SVOPL: variants seen among roughly 807,000 people sequenced by gnomAD.
The protein encoded by SVOPL is SVOP like, also known as putative transporter SVOPL.
A neutral mutation model predicts 61.0 loss-of-function variants in SVOPL; 60 were observed. The ratio of observed to expected loss-of-function variants is 0.98; its 90% CI spans 0.80 to 1.22. The LOEUF is 1.22. Ranked by LOEUF, SVOPL falls within the 50% of genes most tolerant of loss-of-function variation. The pLI is 0.00. For synonymous variants in SVOPL, 279 were observed against 250.0 expected, an observed-to-expected ratio of 1.12 and a Z score of -1.09; for missense variants, 662 against 643.9, an observed-to-expected ratio of 1.03 and a Z score of -0.30.
At chr7:138,648,267 G>A (rs560293977) in intron 8 of SVOPL, among the ~76,000 whole-genome samples, 1 of 152,212 alleles carries the variant, frequency 6.6e-6, no homozygotes, top group South Asian at 2.1e-4. Context: ...GCTAAGGGAG[G>A]TGAGGGCTGC....
In SVOPL at chr7:138,679,014, A is replaced by G; in HGVS notation, c.32T>C (p.Ile11Thr). The G allele has an allele frequency of 6.4e-7, 1 of 1,551,646 alleles. No individual in the cohort carries two copies. Among genetic ancestry groups the G allele is most frequent in the East Asian group, 2.4e-5 (1 of 40,918 alleles). Residue 11 changes from isoleucine to threonine, a missense_variant, in exon 2 of 16, where the codon ATC becomes ACC. Physicochemically the swap from Ile to Thr is moderately conservative, Grantham distance 89 (BLOSUM62 -1). Coordinates refer to ENST00000674285, the MANE Select transcript of SVOPL (RefSeq NM_001139456.2). MATKPTEPVTILSLRKLSLGT... is the reference protein window; with the variant it reads MATKPTEPVTTLSLRKLSLGT... ...CAGGCTCAATTTCCGAAGGCTGAGGATCGTGACAGGCTCTGTTGGCTTGGT... is the reference window on the plus strand; with the variant it reads ...CAGGCTCAATTTCCGAAGGCTGAGGGTCGTGACAGGCTCTGTTGGCTTGGT...
At chr7:138,613,210 G>A (rs980879499) in intron 14 of SVOPL, among the ~76,000 whole-genome samples, 15 of 151,780 alleles carry the variant, frequency 9.9e-5, no homozygotes, top group Admixed American at 9.8e-4. Context: ...AGTAGAGATG[G>A]GGTTTCACCA....
At chr7:138,671,246 T>G (rs1802408404) in intron 4 of SVOPL, among the ~76,000 whole-genome samples, 1 of 152,226 alleles carries the variant, frequency 6.6e-6, no homozygotes. Flanking sequence ...AACGTGATAC[T>G]GCTTGTAGTC....
intron 6 of SVOPL, among the ~76,000 whole-genome samples, chr7:138,657,230 G>T (rs572940590): frequency 2.3e-4 from 35 of 151,794 alleles, no homozygotes; most frequent in Non-Finnish European, 4.9e-4. Flanking sequence ...ATCACAGCTC[G>T]CTGCAGCCTC....
At chr7:138,643,447 G>C (rs952101129) in intron 9 of SVOPL, among the ~76,000 whole-genome samples, 6 of 137,150 alleles carry the variant, frequency 4.4e-5, no homozygotes, top group African/African-American at 1.5e-4. Context: ...AAAAAAGAAA[G>C]TGAGGCCTTG....
At chr7:138,665,388 C>T (rs1802224006) in intron 4 of SVOPL, among the ~76,000 whole-genome samples, 2 of 151,538 alleles carry the variant, frequency 1.3e-5, no homozygotes, top group Admixed American at 1.3e-4. Flanking sequence ...AGCTCAGGGA[C>T]AGGGTCAGAG....
intron 9 of SVOPL, among the ~76,000 whole-genome samples, chr7:138,635,232 A>C (rs1278291763): frequency 4.0e-5 from 6 of 151,068 alleles, no homozygotes; most frequent in Admixed American, 1.3e-4. Context: ...AGATTGCACC[A>C]TTGCACTCCA....
intron 13 of SVOPL, among the ~76,000 whole-genome samples, chr7:138,622,335 C>T (rs149398275): frequency 1.1e-3 from 164 of 150,042 alleles, no homozygotes; most frequent in African/African-American, 3.7e-3. Flanking sequence ...CACTCTTTCG[C>T]CCAGGCTGGA....
intron 1 of SVOPL, among the ~76,000 whole-genome samples, chr7:138,683,071 T>C (rs1802734331): frequency 6.6e-6 from 1 of 151,858 alleles, no homozygotes; most frequent in Non-Finnish European, 1.5e-5. Flanking sequence ...TTTGAAGATA[T>C]TAAGAAATTA....
At chr7:138,659,022 G>C (rs1801879505) in intron 6 of SVOPL, among the ~76,000 whole-genome samples, 1 of 152,026 alleles carries the variant, frequency 6.6e-6, no homozygotes, top group Non-Finnish European at 1.5e-5. Flanking sequence ...TATCCCTCTA[G>C]CATTAGCATC....
intron 14 of SVOPL, among the ~76,000 whole-genome samples, chr7:138,597,641 C>CGTGTGTGTGTGTGT (rs60875635): frequency 0.035 from 5,147 of 147,568 alleles, 125 homozygotes; most frequent in East Asian, 0.12. Context: ...ATAACGTCTG[C>CGTGTGTGTGTGTGT]GTGTGTGTGT....
intron 14 of SVOPL, chr7:138,597,107 G>A: frequency 7.9e-7 from 1 of 1,267,860 alleles, no homozygotes; most frequent in South Asian, 1.3e-5. Context: ...CACATGCTTT[G>A]GCCTGGATCT....
intron 8 of SVOPL, among the ~76,000 whole-genome samples, chr7:138,647,846 T>TA (rs1801196572): frequency 1.7e-5 from 1 of 59,064 alleles, no homozygotes; most frequent in African/African-American, 7.0e-5. Flanking sequence ...AGACTCCGTT[T>TA]CAAAAAAAAA....
chr7:138,663,348 A>C lies in SVOPL; in HGVS notation c.274-203T>G, dbSNP rs76208252. On this transcript the variant is annotated intron_variant, in intron 4 of 15. Transcript: ENST00000674285. ...GCTCCCTGTTGGTGGGAGCCTAACA[A>C]GGCAGATCCTGCCCCAGGTGGAAAC... 2,263 of 1,421,142 alleles carry C rather than the reference A, an allele frequency of 1.6e-3. 45 individuals are homozygous for C. The East Asian group carries it at 0.033, about 21-fold the overall frequency. 88.0% of individuals were successfully genotyped at this position (1,421,142 alleles called of 1,614,324 possible). A position where few individuals can be genotyped will look rare whatever the true frequency, so the allele number is the denominator to read the frequency against.
At chr7:138,675,173 G>T (rs1022078531) in intron 3 of SVOPL, among the ~76,000 whole-genome samples, 3 of 151,696 alleles carry the variant, frequency 2.0e-5, no homozygotes, top group Middle Eastern at 3.2e-3. Context: ...GGCCGAGGTG[G>T]GAGGATTGCT....
At chr7:138,619,561 TAAA>T (rs11440977) in intron 14 of SVOPL, among the ~76,000 whole-genome samples, 1,063 of 60,292 alleles carry the variant, frequency 0.018, 18 homozygotes, top group African/African-American at 0.06. Flanking sequence ...TCTCAGATGT[TAAA>T]AAAAAAAAAA....
At chr7:138,654,507 T>TTTC (rs1433111836) in intron 7 of SVOPL, among the ~76,000 whole-genome samples, 2 of 148,580 alleles carry the variant, frequency 1.3e-5, no homozygotes, top group Non-Finnish European at 3.0e-5. Flanking sequence ...TTTGTTTTTT[T>TTTC]TTTTTTTTTT....
Position 138,675,121 on chromosome 7 carries a change from G to T in SVOPL, c.175-3004C>A, listed in dbSNP as rs182919225. ...TTTTTATGCTAGACTGTTGCCTGAG[G>T]CCAGGCTTGGTGGCTAAGCCTATAA... On this transcript the variant is annotated intron_variant, in intron 3 of 15. Transcript: ENST00000674285. Among the ~76,000 whole-genome samples the T allele has an allele frequency of 1.7e-3, 258 of 151,524 alleles. 3 individuals carry two copies. Among genetic ancestry groups the T allele is most frequent in the African/African-American group, 5.6e-3 (232 of 41,314 alleles).
intron 15 of SVOPL, 92 bp downstream of exon 15, chr7:138,596,325 A>C (rs1798276389): frequency 9.7e-7 from 1 of 1,029,988 alleles, no homozygotes; most frequent in Non-Finnish European, 1.4e-6. Context: ...ATTATTAGTT[A>C]TTTTAACTAC....
Sources: allele counts gnomAD v4.1 joint callset (sites outside exome capture counted in the v4.1 genomes callset), GRCh38; gene constraint gnomAD v4.1.1; transcripts MANE v1.5; gene names NCBI Gene and HGNC (gene_info 2026-07-23, HGNC 2026-07-21).